The following RTL4 variants were observed in gnomAD, a reference collection of about 807,000 sequenced individuals.
RTL4 encodes the protein retrotransposon Gag like 4.
In RTL4, 4 loss-of-function variants were observed where a neutral mutation model predicts 5.3. That is an observed-to-expected ratio of 0.75 (90% CI 0.37 to 1.72). The LOEUF (loss-of-function observed/expected upper bound fraction) is 1.72, where lower values mean the gene tolerates loss of function less well. Ranked by LOEUF, RTL4 falls within the 40% of genes most tolerant of loss-of-function variation. RTL4 has a pLI of 0.04. For synonymous variants in RTL4, 98 were observed against 87.3 expected (o/e 1.12, Z -0.68); for missense variants, 260 against 227.1 (o/e 1.14, Z -0.93).
At chrX:112,327,811 G>A in the RTL4 span, among the ~76,000 whole-genome samples, 1 of 111,596 alleles carries the variant, frequency 9.0e-6, no homozygotes, top group Non-Finnish European at 1.9e-5. Flanking sequence ...AAATCTCTTG[G>A]CAGAAACTCT....
chrX:112,304,864 C>T, the RTL4 span, among the ~76,000 whole-genome samples: 1 of 108,301 alleles, frequency 9.2e-6, no homozygotes, highest in Non-Finnish European at 1.9e-5. Context: ...CTGCATCTCT[C>T]TTTCCTTATC....
At chrX:112,362,744 T>G in the RTL4 span, among the ~76,000 whole-genome samples, 1 of 111,037 alleles carries the variant, frequency 9.0e-6, no homozygotes, top group Non-Finnish European at 1.9e-5. Flanking sequence ...TACAGTCCCC[T>G]TCCCAACAGA....
chrX:112,122,934 TA>T, the RTL4 span, among the ~76,000 whole-genome samples: 2 of 111,563 alleles, frequency 1.8e-5, no homozygotes, highest in Non-Finnish European at 3.8e-5. Context: ...GGTAAAATTT[TA>T]ACCTTTGTTA....
At chrX:112,086,256 C>T in the RTL4 span, among the ~76,000 whole-genome samples, 1 of 112,382 alleles carries the variant, frequency 8.9e-6, no homozygotes, top group Admixed American at 9.4e-5. Flanking sequence ...TGTGTCATAA[C>T]ACTGTATCCA....
the RTL4 span, among the ~76,000 whole-genome samples, chrX:112,269,893 C>T: frequency 0.01 from 1,136 of 112,276 alleles, 6 homozygotes; most frequent in Middle Eastern, 0.018. Context: ...TCACTTCTAG[C>T]CACACATTGC....
chrX:112,190,139 C>CCTTTCTTTCTTTCTTTCTTTCTTT, the RTL4 span, among the ~76,000 whole-genome samples: 1 of 77,130 alleles, frequency 1.3e-5, no homozygotes, highest in African/African-American at 4.9e-5. Context: ...GTAGCCTGTC[C>CCTTTCTTTCTTTCTTTCTTTCTTT]CTTTCTTTCT....
chrX:112,217,402 ACTT>A, the RTL4 span, among the ~76,000 whole-genome samples: 95 of 111,941 alleles, frequency 8.5e-4, no homozygotes, highest in Non-Finnish European at 9.2e-4. Context: ...AGCACTAGCA[ACTT>A]CTTTTCTTTT....
the RTL4 span, among the ~76,000 whole-genome samples, chrX:112,353,698 G>C: frequency 3.6e-5 from 4 of 110,294 alleles, no homozygotes; most frequent in East Asian, 1.2e-3. Context: ...TATGGGGAGT[G>C]GGGAGGGATA....
At chrX:112,315,769 A>C in the RTL4 span, among the ~76,000 whole-genome samples, 1 of 111,664 alleles carries the variant, frequency 9.0e-6, no homozygotes, top group Non-Finnish European at 1.9e-5. Context: ...GTATACATCT[A>C]ACCTGATGCT....
chrX:112,126,195 C>T, the RTL4 span, among the ~76,000 whole-genome samples: 1 of 111,739 alleles, frequency 8.9e-6, no homozygotes, highest in Non-Finnish European at 1.9e-5. Context: ...CTGGTCCTCA[C>T]ACATATTTGC....
chrX:112,361,195 C>T, the RTL4 span, among the ~76,000 whole-genome samples: 1 of 111,176 alleles, frequency 9.0e-6, no homozygotes, highest in Admixed American at 9.6e-5. Context: ...AAAATTATTC[C>T]CCAGATAAGT....
the RTL4 span, among the ~76,000 whole-genome samples, chrX:112,222,340 A>C: frequency 9.0e-6 from 1 of 110,667 alleles, no homozygotes; most frequent in Non-Finnish European, 1.9e-5. Context: ...ATCAAATAGG[A>C]TTATGGACTT....
the RTL4 span, among the ~76,000 whole-genome samples, chrX:112,321,885 A>G: frequency 1.8e-5 from 2 of 111,848 alleles, no homozygotes; most frequent in Non-Finnish European, 3.8e-5. Flanking sequence ...GTCACTATAT[A>G]TTACATACAT....
At chrX:112,084,383 G>T in the RTL4 span, among the ~76,000 whole-genome samples, 16 of 110,060 alleles carry the variant, frequency 1.5e-4, no homozygotes, top group South Asian at 6.4e-3. Flanking sequence ...ATTACCCTGG[G>T]GGATGAAGAG....
the RTL4 span, among the ~76,000 whole-genome samples, chrX:112,224,756 C>CTACAATGGT: frequency 9.0e-6 from 1 of 111,548 alleles, no homozygotes; most frequent in African/African-American, 3.3e-5. Flanking sequence ...CATGAAACAA[C>CTACAATGGT]TACAATGGTT....
At chrX:112,446,168 A>G in the RTL4 span, among the ~76,000 whole-genome samples, 1 of 112,174 alleles carries the variant, frequency 8.9e-6, no homozygotes, top group East Asian at 2.8e-4. Flanking sequence ...GATGTAGGTA[A>G]TTATTCTGTC....
chrX:112,329,662 G>T, the RTL4 span, among the ~76,000 whole-genome samples: 1 of 110,523 alleles, frequency 9.0e-6, no homozygotes, highest in Non-Finnish European at 1.9e-5. Flanking sequence ...CATTTTATGA[G>T]GCCAGCATCA....
the RTL4 span, among the ~76,000 whole-genome samples, chrX:112,321,797 T>A: frequency 2.7e-5 from 3 of 111,234 alleles, no homozygotes; most frequent in African/African-American, 9.8e-5. Context: ...GTGAACATGA[T>A]CTTTGAATCT....
At chrX:112,221,728 T>C in the RTL4 span, among the ~76,000 whole-genome samples, 1 of 112,346 alleles carries the variant, frequency 8.9e-6, no homozygotes, top group African/African-American at 3.2e-5. Context: ...GAGAGGTTGT[T>C]TTCTGAAGGA....
Sources: allele counts gnomAD v4.1 joint callset (sites outside exome capture counted in the v4.1 genomes callset), GRCh38; gene constraint gnomAD v4.1.1; transcripts MANE v1.5; gene names NCBI Gene and HGNC (gene_info 2026-07-23, HGNC 2026-07-21).